HTD2: variants seen among roughly 807,000 people sequenced by gnomAD.
HTD2 encodes the protein hydroxyacyl-thioester dehydratase type 2, also known as hydroxyacyl-thioester dehydratase type 2, mitochondrial.
HTD2 carries 1 observed loss-of-function variant against 3.1 expected under a neutral mutation model. The ratio of observed to expected loss-of-function variants is 0.32; its 90% CI spans 0.11 to 1.52. The LOEUF (loss-of-function observed/expected upper bound fraction) is 1.52. Ranked by LOEUF, HTD2 falls within the 40% of genes most tolerant of loss-of-function variation. HTD2 has a pLI of 0.39. For missense variants in HTD2, 150 were observed against 79.6 expected (o/e 1.88, Z -3.36); for synonymous variants, 50 against 28.9 (o/e 1.73, Z -2.34).
At chr3:58,315,857 G>C (rs1409934012) in intron 2 of HTD2, 1 of 152,168 alleles carries the variant, frequency 6.6e-6, no homozygotes, top group Non-Finnish European at 1.5e-5. Context: ...TGTATTTTTA[G>C]TAAAAATGGG....
chr3:58,307,803 C>T (rs2097477140), intron 1 of HTD2: 1 of 152,074 alleles, frequency 6.6e-6, no homozygotes, highest in Admixed American at 6.6e-5. Flanking sequence ...AAATAATTTC[C>T]CAGGTATCCT....
Position 58,310,594 on chromosome 3 carries a change from A to G in HTD2, c.-331+3A>G, listed in dbSNP as rs765478028. 3.1e-6 allele frequency: 5 copies of G among 1,609,072 alleles called. No homozygotes were observed. The Admixed American group carries it at 6.8e-5, about 22-fold the overall frequency. On this transcript the variant is annotated splice_donor_region_variant and intron_variant, in intron 2 of 4. Coordinates refer to ENST00000461393, the MANE Select transcript of HTD2 (RefSeq NM_001348712.2). ...CTGTGAAGGACCTGTTTGGGGAGGT[A>G]TGGAATCACTTGGTAGATTGAACAT...
At chr3:58,306,875 A>C (rs1436368247) in intron 1 of HTD2, among the ~76,000 whole-genome samples, 1 of 152,226 alleles carries the variant, frequency 6.6e-6, no homozygotes, top group Non-Finnish European at 1.5e-5. Context: ...GTACAGATAA[A>C]GATAAACGAG....
chr3:58,315,204 G>C (rs934134002), intron 2 of HTD2, among the ~76,000 whole-genome samples: 3 of 152,062 alleles, frequency 2.0e-5, no homozygotes, highest in African/African-American at 7.2e-5. Flanking sequence ...GAATATACTC[G>C]ACAGTGAAAA....
intron 2 of HTD2, among the ~76,000 whole-genome samples, chr3:58,315,060 G>A (rs2097486862): frequency 1.3e-5 from 2 of 152,076 alleles, no homozygotes; most frequent in African/African-American, 4.8e-5. Flanking sequence ...CTGTTCCAGA[G>A]GACTGAAAAC....
At position 58,311,117 on chromosome 3, in the gene HTD2, A is replaced by G. The variant is rs115430781; in HGVS notation, c.-331+526A>G. On this transcript the variant is annotated intron_variant, in intron 2 of 4. Transcript: ENST00000461393. ...TCTGATAATCACCAATCTACTTTCT[A>G]TCCTCATGAAATCTACTTTTTGTTG... 8.4e-3 allele frequency among the ~76,000 whole-genome samples: 1,244 copies of G among 147,592 alleles called. 17 individuals carry two copies. Among genetic ancestry groups the G allele is most frequent in the African/African-American group, 0.029 (1,159 of 39,648 alleles).
intron 2 of HTD2, among the ~76,000 whole-genome samples, chr3:58,313,253 G>A (rs965704672): frequency 1.3e-5 from 2 of 151,620 alleles, no homozygotes; most frequent in East Asian, 1.9e-4. Context: ...AGCGAGACTC[G>A]GTCTCAAAAA....
At chr3:58,309,451 A>G (rs927459163) in intron 1 of HTD2, among the ~76,000 whole-genome samples, 1 of 152,262 alleles carries the variant, frequency 6.6e-6, no homozygotes, top group African/African-American at 2.4e-5. Context: ...CTCATAAGGA[A>G]AATTGTTAGC....
At chr3:58,310,482 C>CTT in intron 1 of HTD2, 25 bp from the exon 2 acceptor site, 14 of 1,362,768 alleles carry the variant, frequency 1.0e-5, no homozygotes, top group African/African-American at 4.4e-5. Flanking sequence ...TTTAATATGA[C>CTT]TTTTTTTTTT....
At chr3:58,312,231 A>C (rs2097483010) in intron 2 of HTD2, among the ~76,000 whole-genome samples, 1 of 151,876 alleles carries the variant, frequency 6.6e-6, no homozygotes, top group Admixed American at 6.6e-5. Flanking sequence ...GTAGTGTGTG[A>C]GGGTTCCCCT....
chr3:58,317,732 A>G lies in HTD2; in HGVS notation c.119A>G (p.Asp40Gly). 1.4e-6 allele frequency: 1 copy of G among 703,574 alleles called. No individual in the cohort carries two copies. Among genetic ancestry groups the G allele is most frequent in the Non-Finnish European group, 2.6e-6 (1 of 385,012 alleles). The allele number at this position is 703,574 out of a possible 1,614,324, so 43.6% of individuals were successfully genotyped here. A position where few individuals can be genotyped will look rare whatever the true frequency, so the allele number is the denominator to read the frequency against. ...CAGCATATGCACATCAAAGTTGGAG[A>G]CCGCGCTGAACTTAGGAGGGCCTTC... is the stretch of plus-strand genomic sequence containing the variant. ...HFQHMHIKVG[D>G]RAELRRAFTQ... Residue 40 changes from aspartate to glycine, a missense_variant, in exon 5 of 5, where the codon GAC (aspartate) becomes GGC (glycine). By Grantham distance (94) the Asp-to-Gly change is moderately conservative. Transcript: ENST00000461393.
chr3:58,319,120 G>A lies in HTD2; in HGVS notation c.*1000G>A, dbSNP rs754767290. ...GTATTTTAACTGTGTAACAATTATT[G>A]AAGGCGAAAATAGAAGTTGGGTCAT... On this transcript the variant is annotated 3_prime_UTR_variant, in exon 5 of 5. Transcript: ENST00000461393. 1.3e-5 allele frequency: 2 copies of A among 152,118 alleles called. No individual in the cohort carries two copies. Among genetic ancestry groups the A allele is most frequent in the African/African-American group, 4.8e-5 (2 of 41,412 alleles). 9.4% of individuals were successfully genotyped at this position (152,118 alleles called of 1,614,324 possible).
intron 1 of HTD2, 41 bp from the exon 2 acceptor site, chr3:58,310,466 A>G (rs2097480918): frequency 6.3e-7 from 1 of 1,595,812 alleles, no homozygotes; most frequent in African/African-American, 1.4e-5. Context: ...TCTGAATAGA[A>G]TGAAATTTAA....
rs368640744 is a variant in HTD2 at position 58,310,430 on chromosome 3, A to G, written c.-415-77A>G. 171 of 1,611,396 alleles carry G rather than the reference A, an allele frequency of 1.1e-4. 1 individual carries two copies. In the East Asian group the frequency reaches 3.2e-3, roughly 30 times the overall value. The stretch of plus-strand genomic sequence containing the variant: ...CTGTAAGTTTAGTTTCCTAAGTTCT[A>G]TTTTAGATTACTTTTCTAACATGAA... On this transcript the variant is annotated intron_variant, in intron 1 of 4. Coordinates refer to ENST00000461393, the MANE Select transcript of HTD2 (RefSeq NM_001348712.2).
At chr3:58,316,729 A>G in intron 3 of HTD2, 138 bp downstream of exon 3, 1 of 881,184 alleles carries the variant, frequency 1.1e-6, no homozygotes, top group Non-Finnish European at 1.8e-6. Flanking sequence ...TGGGATGAAT[A>G]TGAACATTCA....
At position 58,306,575 on chromosome 3, in the gene HTD2, G is replaced by A. The variant is rs892339117; in HGVS notation, c.-492G>A. 6.6e-6 allele frequency: 1 copy of A among 152,228 alleles called. No individual in the cohort carries two copies. The highest frequency in any genetic ancestry group is 6.5e-5 in the Admixed American group (1 of 15,306). 9.4% of individuals were successfully genotyped at this position (152,228 alleles called of 1,614,324 possible). On this transcript the variant is annotated 5_prime_UTR_variant, in exon 1 of 5. Transcript: ENST00000461393. Reference sequence around the variant, plus strand: ...CTGTACGGCGCCGCGTAGGGTCTCGGCCGCAGAACGTGGCCGAGAGGCCCG... The same window carrying A: ...CTGTACGGCGCCGCGTAGGGTCTCGACCGCAGAACGTGGCCGAGAGGCCCG...
Position 58,310,505 on chromosome 3 carries a change from A to G in HTD2, c.-415-2A>G. 6.2e-7 allele frequency: 1 copy of G among 1,604,716 alleles called. No individual in the cohort carries two copies. Among genetic ancestry groups the G allele is most frequent in the Non-Finnish European group, 8.5e-7 (1 of 1,176,826 alleles). The stretch of plus-strand genomic sequence containing the variant: ...GACTTTTTTTTTTTTCACTTTTTTT[A>G]GAGAATTTCAAGATTGTGGAGTTGG... On this transcript the variant is annotated splice_acceptor_variant, in intron 1 of 4. Coordinates refer to ENST00000461393, the MANE Select transcript of HTD2 (RefSeq NM_001348712.2). LOFTEE classifies it low-confidence loss of function (5UTR_SPLICE).
chr3:58,314,332 C>CAG (rs1281660371), intron 2 of HTD2, among the ~76,000 whole-genome samples: 1 of 152,070 alleles, frequency 6.6e-6, no homozygotes, highest in Non-Finnish European at 1.5e-5. Flanking sequence ...GCCAGGGTGA[C>CAG]AGAGAGAGAC....
In HTD2 at chr3:58,316,585, G is replaced by C. The variant is rs774463427; in HGVS notation, c.-260G>C. 2.5e-6 allele frequency: 4 copies of C among 1,613,604 alleles called. No homozygotes were observed. The South Asian group carries it at 4.4e-5, about 18-fold the overall frequency. On this transcript the variant is annotated 5_prime_UTR_variant, in exon 3 of 5. It removes an upstream start codon present in the reference 5' UTR. Coordinates refer to ENST00000461393, the MANE Select transcript of HTD2 (RefSeq NM_001348712.2). The stretch of plus-strand genomic sequence containing the variant: ...ACCTTGTCAGCCATCTTGAGAATAT[G>C]TAGCAGGTATGACAGAGAGTGGGAA...
Sources: gnomAD v4.1 joint callset for allele counts (sites outside exome capture counted in the v4.1 genomes callset) on GRCh38, gnomAD v4.1.1 for gene constraint, MANE v1.5 for transcripts, NCBI Gene and HGNC (gene_info 2026-07-23, HGNC 2026-07-21) for gene names.